Variants in DPH6 observed in about 807,000 individuals in gnomAD.
DPH6 encodes diphthine--ammonia ligase.
Under a neutral mutation model 38.2 loss-of-function variants are expected in DPH6, and 33 were observed. The observed-to-expected ratio is 0.86, with a 90% confidence interval of 0.65 to 1.15. The LOEUF (loss-of-function observed/expected upper bound fraction) is 1.15. Among genes scored for constraint, DPH6 ranks in the 50% most tolerant of loss-of-function variants. The probability of loss-of-function intolerance (pLI) is 0.00; values close to 1 mark genes in which losing one functional copy is unlikely to be tolerated. For synonymous variants in DPH6, 108 were observed against 103.0 expected, an observed-to-expected ratio of 1.05 and a Z score of -0.30; for missense variants, 325 against 320.0, an observed-to-expected ratio of 1.02 and a Z score of -0.12.
chr15:35,463,270 T>C (rs1206631568), intron 3 of DPH6, among the ~76,000 whole-genome samples: 1 of 152,156 alleles, frequency 6.6e-6, no homozygotes, highest in Non-Finnish European at 1.5e-5. Flanking sequence ...AAAATAATTT[T>C]GTAGTATGTA....
intron 3 of DPH6, among the ~76,000 whole-genome samples, chr15:35,233,640 C>T (rs2051533297): frequency 6.6e-6 from 1 of 152,174 alleles, no homozygotes; most frequent in Non-Finnish European, 1.5e-5. Context: ...ATTTGAAGTT[C>T]ACCTCAAGCC....
chr15:35,323,032 T>C (rs2052253653), intron 3 of DPH6, among the ~76,000 whole-genome samples: 2 of 152,186 alleles, frequency 1.3e-5, no homozygotes, highest in South Asian at 2.1e-4. Flanking sequence ...TTCATTCAAA[T>C]ATTATGTTAC....
At chr15:35,249,578 C>T (rs906976226) in intron 3 of DPH6, among the ~76,000 whole-genome samples, 5 of 152,028 alleles carry the variant, frequency 3.3e-5, no homozygotes, top group Admixed American at 3.3e-4. Flanking sequence ...CTTCCACAGT[C>T]TTTATATTGA....
intron 3 of DPH6, among the ~76,000 whole-genome samples, chr15:35,229,396 T>C (rs1045325337): frequency 2.6e-5 from 4 of 152,140 alleles, no homozygotes; most frequent in Non-Finnish European, 5.9e-5. Flanking sequence ...TCTTTTAAAT[T>C]ATTTCAATCT....
At chr15:35,382,389 T>C (rs1048620833) in intron 6 of DPH6, among the ~76,000 whole-genome samples, 1 of 151,944 alleles carries the variant, frequency 6.6e-6, no homozygotes, top group Admixed American at 6.6e-5. Flanking sequence ...GAGTTTGCAG[T>C]GAGCCGAGAT....
intron 8 of DPH6, among the ~76,000 whole-genome samples, chr15:35,372,543 A>G (rs570669249): frequency 3.3e-5 from 5 of 151,978 alleles, no homozygotes; most frequent in African/African-American, 1.2e-4. Context: ...AAACATTTGG[A>G]TAGTGTAACT....
chr15:35,239,081 A>G (rs1465013902), intron 3 of DPH6, among the ~76,000 whole-genome samples: 1 of 144,032 alleles, frequency 6.9e-6, no homozygotes, highest in Non-Finnish European at 1.5e-5. Context: ...TGTGACATGG[A>G]TCGGGGGACC....
intron 3 of DPH6, among the ~76,000 whole-genome samples, chr15:35,491,094 T>C (rs1276104930): frequency 6.6e-6 from 1 of 152,074 alleles, no homozygotes; most frequent in East Asian, 1.9e-4. Flanking sequence ...CACCTCCCAA[T>C]ATCATTACAT....
At chr15:35,375,785 C>T (rs932480150) in intron 7 of DPH6, among the ~76,000 whole-genome samples, 1 of 151,968 alleles carries the variant, frequency 6.6e-6, no homozygotes, top group East Asian at 1.9e-4. Context: ...TGATACCAGC[C>T]TCCTGAGGTG....
rs1287752161 is a variant in DPH6 at position 35,243,446 on chromosome 15, G to A, written n.201-22864C>T. 2.1e-5 allele frequency among the ~76,000 whole-genome samples: 3 copies of A among 143,744 alleles called. 1 individual carries two copies. The highest frequency in any genetic ancestry group is 4.6e-5 in the Non-Finnish European group (3 of 65,538). The allele number at this position is 143,744 out of a possible 152,430, so 94.3% of individuals were successfully genotyped here. A position where few individuals can be genotyped will look rare whatever the true frequency, so the allele number is the denominator to read the frequency against. ...CAAGCCAAGCCATTGCATCCCCTGT[G>A]ACTTGCACGTATATGCCCAGATGGC... On this transcript the variant is annotated intron_variant and non_coding_transcript_variant, in intron 3 of 3. Coordinates refer to the DPH6 transcript ENST00000560386.
intron 3 of DPH6, among the ~76,000 whole-genome samples, chr15:35,484,225 G>GCAA (rs1249147279): frequency 6.6e-6 from 1 of 152,216 alleles, no homozygotes; most frequent in Non-Finnish European, 1.5e-5. Context: ...AACAAGTTTA[G>GCAA]CAATATATTG....
At chr15:35,222,743 GA>G (rs1296047030) in intron 3 of DPH6, among the ~76,000 whole-genome samples, 10 of 152,158 alleles carry the variant, frequency 6.6e-5, no homozygotes, top group Non-Finnish European at 1.3e-4. Context: ...CAGGTGAGCA[GA>G]GGGATGACTT....
intron 3 of DPH6, among the ~76,000 whole-genome samples, chr15:35,523,283 T>C (rs2054950114): frequency 6.8e-6 from 1 of 147,692 alleles, no homozygotes; most frequent in South Asian, 2.1e-4. Flanking sequence ...TACTTCTCTG[T>C]GAAATGCCTG....
At chr15:35,145,782 T>C in the DPH6 span, among the ~76,000 whole-genome samples, 1 of 152,214 alleles carries the variant, frequency 6.6e-6, no homozygotes, top group African/African-American at 2.4e-5. Context: ...TTATGCACTG[T>C]GAAAAGGATG....
At chr15:35,498,661 C>A (rs114619319) in intron 3 of DPH6, among the ~76,000 whole-genome samples, 2 of 152,112 alleles carry the variant, frequency 1.3e-5, no homozygotes, top group African/African-American at 4.8e-5. Context: ...TTCTAAACAA[C>A]AGTCACGACC....
intron 3 of DPH6, among the ~76,000 whole-genome samples, chr15:35,270,291 T>C (rs573185479): frequency 2.6e-5 from 4 of 152,316 alleles, no homozygotes; most frequent in East Asian, 1.9e-4. Context: ...CCATGTTGCA[T>C]TGAAGTGGAA....
chr15:35,495,692 C>T (rs368562543), intron 3 of DPH6, among the ~76,000 whole-genome samples: 2 of 152,026 alleles, frequency 1.3e-5, no homozygotes, highest in East Asian at 1.9e-4. Context: ...AGTATAATCC[C>T]GCTCAAAATC....
intron 3 of DPH6, among the ~76,000 whole-genome samples, chr15:35,484,740 G>A (rs1400358679): frequency 6.6e-6 from 1 of 152,154 alleles, no homozygotes; most frequent in Non-Finnish European, 1.5e-5. Flanking sequence ...CACATGCAAA[G>A]GGAAATTACA....
At chr15:35,483,693 T>C (rs540829234) in intron 3 of DPH6, among the ~76,000 whole-genome samples, 1 of 152,310 alleles carries the variant, frequency 6.6e-6, no homozygotes, top group African/African-American at 2.4e-5. Flanking sequence ...ATTTCTGATA[T>C]CTACTCATGA....
Sources: gnomAD v4.1 joint callset for allele counts (sites outside exome capture counted in the v4.1 genomes callset) on GRCh38, gnomAD v4.1.1 for gene constraint, MANE v1.5 for transcripts, NCBI Gene and HGNC (gene_info 2026-07-23, HGNC 2026-07-21) for gene names.